The following DIS3L variants were observed in gnomAD, a reference collection of about 807,000 sequenced individuals.
DIS3L encodes DIS3-like exonuclease 1.
In DIS3L, 100 loss-of-function variants were observed where a neutral mutation model predicts 120.3. The observed-to-expected ratio is 0.83, with a 90% CI of 0.71 to 0.98. The LOEUF (loss-of-function observed/expected upper bound fraction) is 0.98, where lower values mean the gene tolerates loss of function less well. DIS3L is among the 50% of genes least tolerant of loss of function. DIS3L has a pLI of 0.00. For synonymous variants in DIS3L, 426 were observed against 470.6 expected (o/e 0.91, Z 1.23); for missense variants, 1,196 against 1,314.2 (o/e 0.91, Z 1.39).
chr15:66,320,882 A>G (rs1378985323), intron 9 of DIS3L, 150 bp downstream of exon 9: 4 of 1,030,904 alleles, frequency 3.9e-6, no homozygotes. Context: ...TCTTTATTCT[A>G]TATTTGGACC....
rs373640886 is a variant in DIS3L at position 66,326,363 on chromosome 15, C to A, written c.2200C>A (p.Arg734=). 1 of 1,612,034 alleles carries A rather than the reference C, an allele frequency of 6.2e-7. No individual in the cohort carries two copies. The highest frequency in any genetic ancestry group is 8.5e-7 in the Non-Finnish European group (1 of 1,178,582). Reference sequence around the variant, plus strand: ...AGCCAAAGGCTTCTTCATAGATACACGGTATTCCTCTTTTGAGGGGGCAGA... The same window carrying A: ...AGCCAAAGGCTTCTTCATAGATACAAGGTATTCCTCTTTTGAGGGGGCAGA... The part of the protein sequence containing the change: ...AKAKGFFIDT[R]SNKTLADSLD... Residue 734 remains arginine, a splice_region_variant and synonymous_variant, in exon 12 of 17, where the codon CGG becomes AGG. Transcript: ENST00000319212.
At chr15:66,298,285 T>A (rs890041572) in intron 2 of DIS3L, among the ~76,000 whole-genome samples, 2 of 152,062 alleles carry the variant, frequency 1.3e-5, no homozygotes, top group Admixed American at 6.6e-5. Flanking sequence ...ACCTCAGTGT[T>A]CTCAACATGA....
At chr15:66,322,657 G>A (rs533261557) in intron 9 of DIS3L, 30 bp from the exon 10 acceptor site, 2 of 1,609,158 alleles carry the variant, frequency 1.2e-6, no homozygotes, top group Admixed American at 1.7e-5. Context: ...TGTGGTGCAT[G>A]AATTGCTGAA....
chr15:66,308,640 T>C (rs2092724327), intron 3 of DIS3L, 69 bp from the exon 4 acceptor site: 1 of 1,543,308 alleles, frequency 6.5e-7, no homozygotes, highest in Non-Finnish European at 8.8e-7. Flanking sequence ...AAAAGCCAGA[T>C]GTGAAATTCT....
In DIS3L at chr15:66,329,300, G is replaced by T. The variant is rs765832805; in HGVS notation, c.2436G>T (p.Met812Ile). 6.2e-7 allele frequency: 1 copy of T among 1,613,894 alleles called. No individual in the cohort carries two copies. Among genetic ancestry groups the T allele is most frequent in the Non-Finnish European group, 8.5e-7 (1 of 1,180,004 alleles). ...ATATTGTAGTACACCGCTTGTTAAT[G>T]GCAGCCATTTCAAAAGATAAGAAAA... The part of the protein sequence containing the change: ...YSDIVVHRLL[M>I]AAISKDKKME... Residue 812 changes from methionine (M) to isoleucine (I), a missense_variant, in exon 14 of 17, where the codon ATG (methionine) becomes ATT (isoleucine). Met to Ile is a conservative substitution (Grantham distance 10). Coordinates refer to ENST00000319212, the MANE Select transcript of DIS3L (RefSeq NM_001143688.3).
intron 2 of DIS3L, among the ~76,000 whole-genome samples, chr15:66,306,371 A>C (rs867065555): frequency 6.6e-6 from 1 of 152,192 alleles, no homozygotes; most frequent in South Asian, 2.1e-4. Flanking sequence ...TTTACCTTAC[A>C]TGTTCTTGTC....
At chr15:66,302,501 T>C (rs1260667229) in intron 2 of DIS3L, among the ~76,000 whole-genome samples, 1 of 152,234 alleles carries the variant, frequency 6.6e-6, no homozygotes, top group African/African-American at 2.4e-5. Flanking sequence ...GTTATTACCC[T>C]GCACTTGGAT....
chr15:66,310,037 G>A (rs542753361), intron 4 of DIS3L, among the ~76,000 whole-genome samples: 3 of 152,212 alleles, frequency 2.0e-5, no homozygotes, highest in South Asian at 2.1e-4. Context: ...ATCGCTGGTC[G>A]CTTCTGTCTG....
chr15:66,306,657 G>A, intron 2 of DIS3L, 167 bp from the exon 3 acceptor site: 1 of 889,778 alleles, frequency 1.1e-6, no homozygotes, highest in Middle Eastern at 3.1e-4. Context: ...AACAATAGCA[G>A]CCCGATAGGA....
In DIS3L at chr15:66,333,248, A is replaced by G. The variant is rs1426768918; in HGVS notation, c.3101A>G (p.Tyr1034Cys). The change falls in exon 17 of 17, where the codon TAC becomes TGC. Residue 1034 changes from tyrosine (Y) to cysteine (C), a missense_variant. By Grantham distance (194) the Tyr-to-Cys change is radical (BLOSUM62 -2). Coordinates refer to ENST00000319212, the MANE Select transcript of DIS3L (RefSeq NM_001143688.3). ...CGCCAAACAAAGGGAAGGAGCCTAT[A>G]CACACTTCTAGAGGAGATACGGGAC... ...EYRQTKGRSL[Y>C]TLLEEIRDLA... 1 of 1,614,016 alleles carries G rather than the reference A, an allele frequency of 6.2e-7. No homozygotes were observed. The highest frequency in any genetic ancestry group is 8.5e-7 in the Non-Finnish European group (1 of 1,180,036).
At chr15:66,305,278 T>C (rs1305265088) in intron 2 of DIS3L, among the ~76,000 whole-genome samples, 4 of 151,776 alleles carry the variant, frequency 2.6e-5, no homozygotes, top group African/African-American at 7.3e-5. Flanking sequence ...GGATTACATG[T>C]GTGAGCCACC....
At chr15:66,298,996 G>A (rs912388613) in intron 2 of DIS3L, among the ~76,000 whole-genome samples, 2 of 152,226 alleles carry the variant, frequency 1.3e-5, no homozygotes, top group Admixed American at 1.3e-4. Flanking sequence ...GGCGCCAGGA[G>A]AGCCCAGACC....
In DIS3L at chr15:66,333,232, A is replaced by G. The variant is rs1264542860; in HGVS notation, c.3085A>G (p.Lys1029Glu). ...QEEYQEYRQT[K>E]GRSLYTLLEE... The stretch of plus-strand genomic sequence containing the variant: ...GGAATATCAAGAATATCGCCAAACA[A>G]AGGGAAGGAGCCTATACACACTTCT... The change falls in exon 17 of 17, where the codon AAG becomes GAG. Residue 1029 changes from lysine to glutamate, a missense_variant. By Grantham distance (56) the Lys-to-Glu change is moderately conservative. Coordinates refer to ENST00000319212, the MANE Select transcript of DIS3L (RefSeq NM_001143688.3). 4 of 1,614,158 alleles carry G rather than the reference A, an allele frequency of 2.5e-6. No individual in the cohort carries two copies. In the South Asian group the frequency reaches 4.4e-5, roughly 18 times the overall value.
chr15:66,318,077 G>A (rs1405501653), intron 7 of DIS3L, among the ~76,000 whole-genome samples: 1 of 152,066 alleles, frequency 6.6e-6, no homozygotes, highest in Non-Finnish European at 1.5e-5. Flanking sequence ...AGGTTCAGGC[G>A]ATTCTCCTGC....
At chr15:66,307,543 C>T (rs547069530) in intron 3 of DIS3L, among the ~76,000 whole-genome samples, 1 of 152,222 alleles carries the variant, frequency 6.6e-6, no homozygotes, top group African/African-American at 2.4e-5. Context: ...TTCAAGCAAT[C>T]CACTTGTCTT....
chr15:66,307,014 C>A, intron 3 of DIS3L, 62 bp downstream of exon 3: 3 of 1,598,806 alleles, frequency 1.9e-6, no homozygotes, highest in South Asian at 2.2e-5. Flanking sequence ...TCATCATTGG[C>A]TGTTTGGGAG....
At chr15:66,316,709 G>C (rs1389433632) in intron 7 of DIS3L, among the ~76,000 whole-genome samples, 1 of 152,178 alleles carries the variant, frequency 6.6e-6, no homozygotes, top group Non-Finnish European at 1.5e-5. Context: ...CCAGCTACTG[G>C]GAAGCTGAGG....
chr15:66,295,116 G>C lies in DIS3L; in HGVS notation c.268G>C (p.Ala90Pro). 1 of 1,614,010 alleles carries C rather than the reference G, an allele frequency of 6.2e-7. No homozygotes were observed. The highest frequency in any genetic ancestry group is 8.5e-7 in the Non-Finnish European group (1 of 1,180,006). The change falls in exon 2 of 17, where the codon GCT becomes CCT. Residue 90 changes from alanine to proline, a missense_variant. Physicochemically the swap from Ala to Pro is conservative, Grantham distance 27. Coordinates refer to ENST00000319212, the MANE Select transcript of DIS3L (RefSeq NM_001143688.3). ...GIIFMQTACQ[A>P]VQHQRGRRQY... ...TATTTTCATGCAGACAGCTTGTCAA[G>C]CTGTGCAGCATCAAAGAGGCAGGAG...
chr15:66,308,829 C>A lies in DIS3L; in HGVS notation c.543C>A (p.Phe181Leu). 2 of 1,612,414 alleles carry A rather than the reference C, an allele frequency of 1.2e-6. No individual in the cohort carries two copies. The highest frequency in any genetic ancestry group is 1.7e-6 in the Non-Finnish European group (2 of 1,179,106). Residue 181 changes from phenylalanine (F) to leucine (L), a missense_variant, in exon 4 of 17, where the codon TTC (phenylalanine) becomes TTA (leucine). Coordinates refer to ENST00000319212, the MANE Select transcript of DIS3L (RefSeq NM_001143688.3). ...ATGGAAGTGAAACAGAAGGAGTATT[C>A]GTGATTACTTTCAAGGTATTTCCAG... ...QQYGSETEGV[F>L]VITFKNYLDN...
Sources: gnomAD v4.1 joint callset for allele counts (sites outside exome capture counted in the v4.1 genomes callset) on GRCh38, gnomAD v4.1.1 for gene constraint, MANE v1.5 for transcripts, NCBI Gene and HGNC (gene_info 2026-07-23, HGNC 2026-07-21) for gene names.